Variants in UTRN observed in about 807,000 individuals in gnomAD.
UTRN encodes utrophin, also known as dystrophin-related protein 1.
UTRN carries 283 observed loss-of-function variants against 463.9 expected under a neutral mutation model. The ratio of observed to expected loss-of-function variants is 0.61; its 90% confidence interval spans 0.55 to 0.67. UTRN has a LOEUF of 0.67. Ranked by LOEUF, UTRN falls within the 30% of genes least tolerant of loss-of-function variation. UTRN has a pLI of 0.00. For synonymous variants in UTRN, 1,442 were observed against 1,431.5 expected (o/e 1.01, Z -0.17); for missense variants, 3,922 against 4,084.3 (o/e 0.96, Z 1.08).
intron 51 of UTRN, among the ~76,000 whole-genome samples, chr6:144,652,842 G>A (rs560905372): frequency 6.6e-6 from 1 of 152,298 alleles, no homozygotes; most frequent in South Asian, 2.1e-4. Flanking sequence ...TCTATTGAGG[G>A]CTGGTTTGGT....
At chr6:144,601,611 A>G (rs544412493) in intron 51 of UTRN, among the ~76,000 whole-genome samples, 1 of 152,198 alleles carries the variant, frequency 6.6e-6, no homozygotes, top group Non-Finnish European at 1.5e-5. Flanking sequence ...CTTGAGATGG[A>G]ATCTACTCCT....
intron 2 of UTRN, among the ~76,000 whole-genome samples, chr6:144,360,982 T>G (rs1242746458): frequency 6.6e-6 from 1 of 152,182 alleles, no homozygotes; most frequent in African/African-American, 2.4e-5. Context: ...CTTTTGACTT[T>G]GATTGATGAA....
intron 3 of UTRN, among the ~76,000 whole-genome samples, chr6:144,414,293 T>A (rs1024139159): frequency 3.3e-5 from 5 of 152,302 alleles, no homozygotes; most frequent in African/African-American, 4.8e-5. Context: ...GTGATATTAT[T>A]GATCCTCACC....
intron 54 of UTRN, among the ~76,000 whole-genome samples, chr6:144,736,236 A>G (rs1382811285): frequency 6.6e-6 from 1 of 152,204 alleles, no homozygotes; most frequent in Non-Finnish European, 1.5e-5. Flanking sequence ...GCATTTGAAC[A>G]TTAGTTATCC....
intron 48 of UTRN, among the ~76,000 whole-genome samples, chr6:144,551,649 G>T (rs1798929208): frequency 6.6e-6 from 1 of 152,174 alleles, no homozygotes; most frequent in Non-Finnish European, 1.5e-5. Flanking sequence ...TAGCTCAGAA[G>T]CATCTAGGTT....
chr6:144,339,331 A>G lies in UTRN; in HGVS notation c.79+47424A>G, dbSNP rs183310712. Among the ~76,000 whole-genome samples, 3 of 152,324 alleles carry G rather than the reference A, an allele frequency of 2.0e-5. No homozygotes were observed. In the East Asian group the frequency reaches 5.8e-4, roughly 29 times the overall value. On this transcript the variant is annotated intron_variant, in intron 2 of 74. Transcript: ENST00000367545. ...ATTAGATAGGCATGATTCATTGAAA[A>G]GGATGCATCTTGAATTTTTGAAGTA...
intron 70 of UTRN, 141 bp downstream of exon 70, chr6:144,836,079 G>A: frequency 7.0e-7 from 1 of 1,423,522 alleles, no homozygotes; most frequent in South Asian, 1.4e-5. Context: ...TTAACAAACT[G>A]GGATGCTGGC....
Position 144,627,827 on chromosome 6 carries a change from T to G in UTRN, c.7479+50539T>G, listed in dbSNP as rs1476692148. ...TTTTTTTTTTTTTTTTGAGGTGGAG[T>G]CTCGCTCTGTCACCCAGGCTAGAGT... On this transcript the variant is annotated intron_variant, in intron 51 of 74. Transcript: ENST00000367545. Among the ~76,000 whole-genome samples, 6 of 140,818 alleles carry G rather than the reference T, an allele frequency of 4.3e-5. No homozygotes were observed. The East Asian group carries it at 1.1e-3, about 25-fold the overall frequency. The allele number at this position is 140,818 out of a possible 152,430, so 92.4% of individuals were successfully genotyped here.
At chr6:144,714,372 T>C (rs1786141665) in intron 53 of UTRN, among the ~76,000 whole-genome samples, 1 of 152,228 alleles carries the variant, frequency 6.6e-6, no homozygotes, top group Non-Finnish European at 1.5e-5. Context: ...GCTTATATTC[T>C]CCAGTAAGCA....
intron 52 of UTRN, among the ~76,000 whole-genome samples, chr6:144,683,901 T>C (rs928093809): frequency 6.6e-6 from 1 of 152,162 alleles, no homozygotes; most frequent in Non-Finnish European, 1.5e-5. Flanking sequence ...TTGTGACTCA[T>C]TAAGCATTGC....
chr6:144,404,057 A>G (rs1253375900), intron 3 of UTRN, among the ~76,000 whole-genome samples: 2 of 152,224 alleles, frequency 1.3e-5, no homozygotes, highest in Non-Finnish European at 2.9e-5. Flanking sequence ...GTATTTCTTG[A>G]GGAAAAATGA....
chr6:144,631,279 C>A (rs1482950954), intron 51 of UTRN, among the ~76,000 whole-genome samples: 1 of 134,700 alleles, frequency 7.4e-6, no homozygotes, highest in African/African-American at 2.6e-5. Context: ...TGTAACTATT[C>A]TTTTGAAGAT....
At chr6:144,572,109 T>A (rs968788709) in intron 50 of UTRN, among the ~76,000 whole-genome samples, 2 of 152,176 alleles carry the variant, frequency 1.3e-5, no homozygotes, top group African/African-American at 4.8e-5. Flanking sequence ...GTAAGTTTTG[T>A]CACGTTAAAA....
chr6:144,379,322 C>T (rs769973032), intron 2 of UTRN, among the ~76,000 whole-genome samples: 2 of 152,160 alleles, frequency 1.3e-5, no homozygotes, highest in Non-Finnish European at 2.9e-5. Context: ...TGATTCCAGT[C>T]CAGGGTCTGT....
chr6:144,827,142 C>T (rs556646844), intron 66 of UTRN, among the ~76,000 whole-genome samples: 7 of 152,212 alleles, frequency 4.6e-5, no homozygotes, highest in Admixed American at 2.0e-4. Flanking sequence ...TGTGAAAAGG[C>T]CCCTGCAGAC....
intron 61 of UTRN, among the ~76,000 whole-genome samples, chr6:144,782,637 TAA>T (rs886294103): frequency 2.5e-4 from 34 of 134,244 alleles, no homozygotes; most frequent in Admixed American, 9.1e-4. Flanking sequence ...TATATATATA[TAA>T]TATATATATA....
rs1584885480 is a variant in UTRN at position 144,462,762 on chromosome 6, C to T, written c.2962C>T (p.Gln988Ter). 6.2e-7 allele frequency: 1 copy of T among 1,611,844 alleles called. No homozygotes were observed. The highest frequency in any genetic ancestry group is 8.5e-7 in the Non-Finnish European group (1 of 1,179,494). ...VHPDVEKLYKQEFDDVQGKWN... is the reference protein window; with the variant it reads ...VHPDVEKLYK The stretch of plus-strand genomic sequence containing the variant: ...TCCTGATGTAGAAAAATTATATAAG[C>T]AAGAATTTGATGATGTGCAAGGAAA... Residue 988 changes from glutamine to a stop codon, truncating the protein, a stop_gained, in exon 23 of 75, where the codon CAA becomes TAA. Transcript: ENST00000367545. LOFTEE classifies it high-confidence loss of function.
chr6:144,395,517 C>A (rs1782327142), intron 2 of UTRN, among the ~76,000 whole-genome samples: 1 of 150,698 alleles, frequency 6.6e-6, no homozygotes, highest in South Asian at 2.1e-4. Flanking sequence ...CTAGAAAGTG[C>A]AAGTAGAAAA....
chr6:144,580,511 G>A (rs936352741), intron 51 of UTRN, among the ~76,000 whole-genome samples: 8 of 152,180 alleles, frequency 5.3e-5, no homozygotes, highest in African/African-American at 1.7e-4. Flanking sequence ...TTGGGAGTAT[G>A]CTATGATACA....
Sources: gnomAD v4.1 joint callset for allele counts (sites outside exome capture counted in the v4.1 genomes callset) on GRCh38, gnomAD v4.1.1 for gene constraint, MANE v1.5 for transcripts, NCBI Gene and HGNC (gene_info 2026-07-23, HGNC 2026-07-21) for gene names.